The following WDR91 variants were observed in gnomAD, a reference collection of about 807,000 sequenced individuals.
The protein encoded by WDR91 is WD repeat domain 91.
A neutral mutation model predicts 88.4 loss-of-function variants in WDR91; 52 were observed. The observed-to-expected ratio is 0.59, with a 90% CI of 0.47 to 0.74. The LOEUF is 0.74. Among genes scored for constraint, WDR91 ranks in the 30% least tolerant of loss-of-function variants. The pLI is 0.00. For missense variants in WDR91, 824 were observed against 954.5 expected (o/e 0.86, Z 1.80); for synonymous variants, 362 against 389.5 (o/e 0.93, Z 0.83).
chr7:135,193,769 GGTGAGGCC>G, intron 9 of WDR91, 97 bp from the exon 10 acceptor site: 1 of 1,003,676 alleles, frequency 1.0e-6, no homozygotes. Context: ...AGGCTGTGGG[GGTGAGGCC>G]CCTCCTCTAC....
Position 135,186,289 on chromosome 7 carries a change from C to A in WDR91, c.2106G>T (p.Glu702Asp), listed in dbSNP as rs781076043. The A allele has an allele frequency of 9.3e-6, 15 of 1,612,844 alleles. No individual in the cohort carries two copies. Among genetic ancestry groups the A allele is most frequent in the Middle Eastern group, 1.6e-4 (1 of 6,074 alleles). The change falls in exon 15 of 15, where the codon GAG (glutamate) becomes GAT (aspartate). Residue 702 changes from glutamate to aspartate, a missense_variant. Glu to Asp is a conservative substitution (Grantham distance 45). Transcript: ENST00000354475. The part of the protein sequence containing the change: ...YKLGGDEKVL[E>D]SCLSLGGHRA... ...GGTGGCCACCTAGGCTCAAGCAGCT[C>A]TCCAGAACCTTCTCATCGCCACCCA... is the stretch of plus-strand genomic sequence containing the variant.
At position 135,195,011 on chromosome 7, in the gene WDR91, T is replaced by C. The variant is rs944917030; in HGVS notation, c.1318A>G (p.Ile440Val). 2 of 1,613,958 alleles carry C rather than the reference T, an allele frequency of 1.2e-6. No homozygotes were observed. Among genetic ancestry groups the C allele is most frequent in the Non-Finnish European group, 1.7e-6 (2 of 1,180,024 alleles). Residue 440 changes from isoleucine to valine, a missense_variant, in exon 9 of 15, where the codon ATC becomes GTC. Physicochemically the swap from Ile to Val is conservative, Grantham distance 29. Transcript: ENST00000354475. The stretch of plus-strand genomic sequence containing the variant: ...ATGGAGGATGCTTTGGTCTGCATGA[T>C]GGGGTTGAAGGACCACACTTTGATG... ...GVIKVWSFNP[I>V]MQTKASSISK...
At chr7:135,193,891 G>A (rs1831268241) in intron 9 of WDR91, 6 of 559,344 alleles carry the variant, frequency 1.1e-5, no homozygotes, top group Non-Finnish European at 1.9e-5. Flanking sequence ...ACCACAAAAA[G>A]TATCTGTGGA....
rs1043149879 is a variant in WDR91 at position 135,185,555 on chromosome 7, C to T, written c.*596G>A. On this transcript the variant is annotated 3_prime_UTR_variant, in exon 15 of 15. Transcript: ENST00000354475. Reference sequence around the variant, plus strand: ...TTCTGTAACAAAAGCTGCCAGCTTTCAGGGAAGAAAAAGAATTCTGTGGCC... The same window carrying T: ...TTCTGTAACAAAAGCTGCCAGCTTTTAGGGAAGAAAAAGAATTCTGTGGCC... The T allele has an allele frequency of 3.3e-5, 5 of 152,190 alleles. No homozygotes were observed. The highest frequency in any genetic ancestry group is 1.2e-4 in the African/African-American group (5 of 41,436). 9.4% of individuals were successfully genotyped at this position (152,190 alleles called of 1,614,324 possible).
chr7:135,197,827 G>A, intron 7 of WDR91, 166 bp downstream of exon 7: 1 of 795,066 alleles, frequency 1.3e-6, no homozygotes, highest in East Asian at 2.8e-5. Flanking sequence ...GAAAAGCCAG[G>A]CAAATGATGA....
At chr7:135,211,352 G>A (rs1832012234) in intron 1 of WDR91, 28 bp downstream of exon 1, 4 of 1,595,872 alleles carry the variant, frequency 2.5e-6, no homozygotes, top group East Asian at 2.3e-5. Context: ...GGCCGCCTCT[G>A]CCCGCGCCGC....
intron 4 of WDR91, 109 bp from the exon 5 acceptor site, chr7:135,206,167 G>T: frequency 7.0e-7 from 1 of 1,419,120 alleles, no homozygotes; most frequent in Non-Finnish European, 9.8e-7. Context: ...AGTGCCACTC[G>T]CCTCAGCGTC....
intron 8 of WDR91, among the ~76,000 whole-genome samples, 179 bp downstream of exon 8, chr7:135,195,965 A>G (rs1831348552): frequency 6.6e-6 from 1 of 151,036 alleles, no homozygotes; most frequent in South Asian, 2.1e-4. Flanking sequence ...AAAAAAAAAA[A>G]GGGCAGACAG....
At chr7:135,189,244 A>G (rs1463744466) in intron 12 of WDR91, 100 bp downstream of exon 12, 1 of 993,100 alleles carries the variant, frequency 1.0e-6, no homozygotes, top group Non-Finnish European at 1.5e-6. Context: ...GGGTTTTGCA[A>G]AAGCCTCTAG....
intron 5 of WDR91, 122 bp from the exon 6 acceptor site, chr7:135,204,555 T>C: frequency 9.3e-7 from 1 of 1,081,028 alleles, no homozygotes; most frequent in Non-Finnish European, 1.3e-6. Flanking sequence ...TCCAAGAGCC[T>C]GGGCTTTAAG....
chr7:135,205,356 T>G (rs1390769358), intron 5 of WDR91, among the ~76,000 whole-genome samples: 1 of 152,248 alleles, frequency 6.6e-6, no homozygotes, highest in Non-Finnish European at 1.5e-5. Flanking sequence ...CATATCTGGA[T>G]GTAGAGCTGG....
chr7:135,189,684 T>C (rs907694065), intron 11 of WDR91, among the ~76,000 whole-genome samples: 1 of 152,236 alleles, frequency 6.6e-6, no homozygotes, highest in African/African-American at 2.4e-5. Context: ...AGAGAAATGA[T>C]AATCCATGCT....
chr7:135,203,462 G>A (rs914281906), intron 6 of WDR91, among the ~76,000 whole-genome samples: 3 of 152,196 alleles, frequency 2.0e-5, no homozygotes, highest in African/African-American at 7.2e-5. Flanking sequence ...GACAATGTCT[G>A]CTAGTTAAAC....
chr7:135,192,692 T>G (rs946923835), intron 11 of WDR91, among the ~76,000 whole-genome samples: 12 of 152,190 alleles, frequency 7.9e-5, no homozygotes, highest in African/African-American at 2.9e-4. Flanking sequence ...CCATATGACT[T>G]GTAAGCAGTG....
At position 135,196,473 on chromosome 7, in the gene WDR91, G is replaced by T; in HGVS notation, c.1051-136C>A. 1 of 820,674 alleles carries T rather than the reference G, an allele frequency of 1.2e-6. No homozygotes were observed. The highest frequency in any genetic ancestry group is 1.8e-6 in the Non-Finnish European group (1 of 568,124). The allele number at this position is 820,674 out of a possible 1,614,324, so 50.8% of individuals were successfully genotyped here. A position where few individuals can be genotyped will look rare whatever the true frequency, so the allele number is the denominator to read the frequency against. ...ATTACAGAGTGGAGAGGAGAGCTCT[G>T]ACCTGCGAGGGTAGTGCTCAGCTCA... On this transcript the variant is annotated intron_variant, in intron 7 of 14. Transcript: ENST00000354475. The surrounding 1 kb of genome is among the most constrained non-coding windows in gnomAD (Gnocchi z 4.2).
Position 135,208,841 on chromosome 7 carries a change from G to A in WDR91, c.461C>T (p.Thr154Ile). The A allele has an allele frequency of 6.2e-7, 1 of 1,614,082 alleles. No individual in the cohort carries two copies. Among genetic ancestry groups the A allele is most frequent in the Non-Finnish European group, 8.5e-7 (1 of 1,179,950 alleles). The change falls in exon 3 of 15, where the codon ACC becomes ATC. Residue 154 changes from threonine (T) to isoleucine (I), a missense_variant. Physicochemically the swap from Thr to Ile is moderately conservative, Grantham distance 89 (BLOSUM62 -1). Coordinates refer to ENST00000354475, the MANE Select transcript of WDR91 (RefSeq NM_014149.4). ...ATYFSRQWAD[T>I]FIVSLHNFLS... ...GAAGTTGTGCAGGGACACAATGAAG[G>A]TGTCAGCCCACTGTCGAGAAAAGTA...
rs766192368 is a variant in WDR91, at chr7:135,187,022, C to T, written c.2029G>A (p.Glu677Lys). ...PRGRLFAFDS[E>K]GNYMLTCSAT... ...GAACATGTCAGCATGTAATTTCCCT[C>T]CGAGTCAAAAGCGAAGAGTCGGCCC... Residue 677 changes from glutamate to lysine, a missense_variant, in exon 14 of 15, where the codon GAG becomes AAG. Transcript: ENST00000354475. 5.6e-6 allele frequency: 9 copies of T among 1,614,242 alleles called. No individual in the cohort carries two copies. Among genetic ancestry groups the T allele is most frequent in the Non-Finnish European group, 6.8e-6 (8 of 1,180,052 alleles).
chr7:135,195,192 C>T, intron 8 of WDR91, 108 bp from the exon 9 acceptor site: 1 of 1,214,056 alleles, frequency 8.2e-7, no homozygotes, highest in Non-Finnish European at 1.1e-6. Context: ...TTTAAAAAAA[C>T]AATCCCTAGA....
chr7:135,198,721 A>C (rs1008838651), intron 6 of WDR91: 4 of 152,290 alleles, frequency 2.6e-5, no homozygotes, highest in Admixed American at 2.0e-4. Flanking sequence ...AAACCCAAGG[A>C]ATGTTAAGAA....
Sources: allele counts gnomAD v4.1 joint callset (sites outside exome capture counted in the v4.1 genomes callset), GRCh38; gene constraint gnomAD v4.1.1; non-coding constraint Gnocchi (gnomAD v3.1); transcripts MANE v1.5; gene names NCBI Gene and HGNC (gene_info 2026-07-23, HGNC 2026-07-21).